The following HIVEP3 variants were observed in gnomAD, a reference collection of about 807,000 sequenced individuals.
The protein encoded by HIVEP3 is transcription factor HIVEP3.
HIVEP3 carries 49 observed loss-of-function variants against 152.8 expected under a neutral mutation model. That is an observed-to-expected ratio of 0.32 (90% CI 0.26 to 0.41). HIVEP3 has a LOEUF of 0.41. Ranked by LOEUF, HIVEP3 falls within the 10% of genes least tolerant of loss-of-function variation. The pLI is 1.00. For missense variants in HIVEP3, 2,790 were observed against 3,103.3 expected, an observed-to-expected ratio of 0.90 and a Z score of 2.40; for synonymous variants, 1,269 against 1,289.0, an observed-to-expected ratio of 0.98 and a Z score of 0.33.
At chr1:41,531,435 GA>G (rs1193146583) in intron 5 of HIVEP3, among the ~76,000 whole-genome samples, 1 of 113,924 alleles carries the variant, frequency 8.8e-6, no homozygotes, top group Non-Finnish European at 1.9e-5. Context: ...AGGGGAGATG[GA>G]AGACAGGGGA....
chr1:41,520,238 G>C, intron 6 of HIVEP3, among the ~76,000 whole-genome samples: 1 of 152,150 alleles, frequency 6.6e-6, no homozygotes, highest in East Asian at 1.9e-4. Context: ...GATTCCCTGA[G>C]GTGTCCAAGT....
chr1:41,655,441 G>T (rs1645613867), intron 2 of HIVEP3, among the ~76,000 whole-genome samples: 1 of 151,988 alleles, frequency 6.6e-6, no homozygotes, highest in Non-Finnish European at 1.5e-5. Flanking sequence ...AAATTAGCCA[G>T]GTGTGGTGGC....
At chr1:41,593,500 TGTATGA>T (rs1439297561) in intron 3 of HIVEP3, among the ~76,000 whole-genome samples, 7 of 152,204 alleles carry the variant, frequency 4.6e-5, no homozygotes, top group African/African-American at 1.7e-4. Flanking sequence ...TCTGCATACT[TGTATGA>T]GTATATCACA....
chr1:41,715,703 G>C (rs1282800752), intron 1 of HIVEP3, among the ~76,000 whole-genome samples: 1 of 152,238 alleles, frequency 6.6e-6, no homozygotes, highest in East Asian at 1.9e-4. Flanking sequence ...CCTCAAGCCA[G>C]GCCCTCAGCA....
At chr1:41,855,686 AG>A (rs1643746097) in intron 1 of HIVEP3, among the ~76,000 whole-genome samples, 1 of 152,198 alleles carries the variant, frequency 6.6e-6, no homozygotes, top group African/African-American at 2.4e-5. Flanking sequence ...CACAAAAATC[AG>A]ATATGGCTCT....
chr1:41,936,223 T>G (rs981090552), intron 1 of HIVEP3, among the ~76,000 whole-genome samples: 3 of 152,160 alleles, frequency 2.0e-5, no homozygotes, highest in Admixed American at 6.5e-5. Flanking sequence ...CTTCCCAACC[T>G]ATTGCAAGTC....
intron 1 of HIVEP3, among the ~76,000 whole-genome samples, chr1:41,980,415 G>T (rs76552988): frequency 0.012 from 1,902 of 152,272 alleles, 36 homozygotes; most frequent in African/African-American, 0.044. Flanking sequence ...TGCGATGAAT[G>T]TCAAAGGCAT....
At chr1:41,560,184 C>T (rs570361065) in intron 5 of HIVEP3, among the ~76,000 whole-genome samples, 5 of 152,326 alleles carry the variant, frequency 3.3e-5, no homozygotes, top group African/African-American at 9.6e-5. Flanking sequence ...ACACAAATGC[C>T]ATTTCACTTA....
intron 1 of HIVEP3, among the ~76,000 whole-genome samples, chr1:41,750,539 G>A (rs74071330): frequency 6.6e-6 from 1 of 152,246 alleles, no homozygotes; most frequent in African/African-American, 2.4e-5. Flanking sequence ...GTTCCAAGGC[G>A]AGGCCATTGC....
chr1:41,784,256 C>CTTTAT (rs1458741276), intron 1 of HIVEP3, among the ~76,000 whole-genome samples: 2 of 152,130 alleles, frequency 1.3e-5, no homozygotes, highest in East Asian at 3.8e-4. Flanking sequence ...TAAGCACATA[C>CTTTAT]TTTATTTTTA....
chr1:41,936,662 C>G (rs1431496372), intron 1 of HIVEP3, among the ~76,000 whole-genome samples: 1 of 152,182 alleles, frequency 6.6e-6, no homozygotes, highest in East Asian at 1.9e-4. Flanking sequence ...TGATGATGCA[C>G]AAATACAAAG....
At chr1:41,611,760 T>C (rs1012117768) in intron 3 of HIVEP3, among the ~76,000 whole-genome samples, 1 of 152,224 alleles carries the variant, frequency 6.6e-6, no homozygotes, top group African/African-American at 2.4e-5. Context: ...AGGCAAGTCC[T>C]CTGTGAGATT....
chr1:41,679,322 C>A (rs965614518), intron 2 of HIVEP3, among the ~76,000 whole-genome samples: 6 of 152,218 alleles, frequency 3.9e-5, no homozygotes, highest in African/African-American at 1.4e-4. Context: ...CCCAGGGTCA[C>A]AGAGCAAGCA....
chr1:41,779,966 AAGG>A (rs1376133155), intron 1 of HIVEP3, among the ~76,000 whole-genome samples: 1 of 152,174 alleles, frequency 6.6e-6, no homozygotes, highest in African/African-American at 2.4e-5. Flanking sequence ...TCACTTCCAC[AAGG>A]AGATCATGAT....
Position 41,986,438 on chromosome 1 carries a change from C to CTTT in HIVEP3, n.119+49366_119+49368dup, listed in dbSNP as rs34078704. On this transcript the variant is annotated intron_variant and non_coding_transcript_variant, in intron 1 of 3. Transcript: ENST00000489103. The stretch of plus-strand genomic sequence containing the variant: ...CATTACACTTTTGTGTTGAATAGGA[C>CTTT]TTTTTTTTTTTTTTTTTTTTGAGAC... Among the ~76,000 whole-genome samples, 3 of 112,494 alleles carry CTTT rather than the reference C, an allele frequency of 2.7e-5. 1 individual carries two copies. The highest frequency in any genetic ancestry group is 3.7e-5 in the Non-Finnish European group (2 of 54,526). 73.8% of individuals were successfully genotyped at this position (112,494 alleles called of 152,430 possible). A position where few individuals can be genotyped will look rare whatever the true frequency, so the allele number is the denominator to read the frequency against.
chr1:41,518,976 C>A (rs1326099529), intron 6 of HIVEP3, among the ~76,000 whole-genome samples: 1 of 152,100 alleles, frequency 6.6e-6, no homozygotes, highest in African/African-American at 2.4e-5. Context: ...TGGCTGAGGA[C>A]ACCTCTAGGG....
intron 4 of HIVEP3, among the ~76,000 whole-genome samples, chr1:41,578,532 G>A (rs1464808472): frequency 2.0e-5 from 3 of 152,196 alleles, no homozygotes; most frequent in African/African-American, 4.8e-5. Flanking sequence ...GGAAATTATA[G>A]AACACAGTTG....
chr1:41,716,856 C>T (rs997294065), intron 1 of HIVEP3, among the ~76,000 whole-genome samples: 2 of 152,316 alleles, frequency 1.3e-5, no homozygotes, highest in African/African-American at 4.8e-5. Context: ...CATCAGACAC[C>T]ACTGCCTTCC....
chr1:41,603,259 G>C (rs1426897122), intron 3 of HIVEP3, among the ~76,000 whole-genome samples: 1 of 152,036 alleles, frequency 6.6e-6, no homozygotes, highest in Admixed American at 6.5e-5. Context: ...GTAGCGATGT[G>C]GTTTCACCAT....
Sources: gnomAD v4.1 joint callset for allele counts (sites outside exome capture counted in the v4.1 genomes callset) on GRCh38, gnomAD v4.1.1 for gene constraint, MANE v1.5 for transcripts, NCBI Gene and HGNC (gene_info 2026-07-23, HGNC 2026-07-21) for gene names.